Variants in DMRT1 observed in about 807,000 individuals in gnomAD.
DMRT1 encodes doublesex- and mab-3-related transcription factor 1.
Under a neutral mutation model 32.3 loss-of-function variants are expected in DMRT1, and 7 were observed. The ratio of observed to expected loss-of-function variants is 0.22; its 90% CI spans 0.12 to 0.41. The LOEUF is 0.41. Ranked by LOEUF, DMRT1 falls within the 10% of genes least tolerant of loss-of-function variation. DMRT1 has a pLI of 1.00. For missense variants in DMRT1, 625 were observed against 500.5 expected (o/e 1.25, Z -2.37); for synonymous variants, 278 against 206.1 (o/e 1.35, Z -2.99).
At chr9:958,225 G>A (rs1191729212) in intron 4 of DMRT1, among the ~76,000 whole-genome samples, 1 of 152,100 alleles carries the variant, frequency 6.6e-6, no homozygotes, top group African/African-American at 2.4e-5. Flanking sequence ...ATAATTTGCT[G>A]TATGCAATCC....
At chr9:967,664 C>G (rs576055755) in intron 4 of DMRT1, among the ~76,000 whole-genome samples, 3 of 152,194 alleles carry the variant, frequency 2.0e-5, no homozygotes, top group Middle Eastern at 3.4e-3. Flanking sequence ...GGGGAGGAGT[C>G]CGGTGAAGGG....
intron 3 of DMRT1, chr9:894,570 C>A: frequency 3.2e-6 from 1 of 312,404 alleles, no homozygotes; most frequent in Non-Finnish European, 6.2e-6. Context: ...GTACCACCTC[C>A]TCCAGCTTTG....
intron 2 of DMRT1, 144 bp from the exon 3 acceptor site, chr9:893,768 G>T: frequency 1.4e-6 from 1 of 734,518 alleles, no homozygotes; most frequent in Non-Finnish European, 2.3e-6. Context: ...CCTTATTTTG[G>T]CTATAGGAGA....
At chr9:860,713 C>T (rs1370894164) in intron 2 of DMRT1, among the ~76,000 whole-genome samples, 3 of 152,182 alleles carry the variant, frequency 2.0e-5, no homozygotes, top group Non-Finnish European at 4.4e-5. Context: ...ACCAAGGGGA[C>T]ACGGGCTGTT....
intron 1 of DMRT1, 37 bp downstream of exon 1, chr9:842,229 A>ATTTTTTTTTTTTTTTTTTTT: frequency 1.2e-6 from 1 of 856,434 alleles, no homozygotes; most frequent in African/African-American, 3.2e-5. Context: ...GTTCAGCCTT[A>ATTTTTTTTTTTTTTTTTTTT]GTTTTTTTTT....
intron 3 of DMRT1, among the ~76,000 whole-genome samples, chr9:903,431 T>TCC (rs1446128600): frequency 1.3e-5 from 2 of 152,236 alleles, no homozygotes; most frequent in African/African-American, 4.8e-5. Context: ...TCATCTGGTT[T>TCC]TTATTACACC....
At chr9:935,524 A>G (rs1433157215) in intron 4 of DMRT1, among the ~76,000 whole-genome samples, 2 of 152,182 alleles carry the variant, frequency 1.3e-5, no homozygotes, top group African/African-American at 4.8e-5. Flanking sequence ...TTTTCTGATG[A>G]GCGATAGATT....
Position 920,335 on chromosome 9 carries a change from G to A in DMRT1, c.967+3428G>A, listed in dbSNP as rs150996803. On this transcript the variant is annotated intron_variant, in intron 4 of 4. Coordinates refer to ENST00000382276, the MANE Select transcript of DMRT1 (RefSeq NM_021951.3). ...GAGGACTAGCAAGGAAAAGAGGGAG[G>A]AGGAGCAGCCTGTGAGGCAGGAGGG... is the stretch of plus-strand genomic sequence containing the variant. Among the ~76,000 whole-genome samples the A allele has an allele frequency of 3.5e-3, 535 of 152,314 alleles. 2 individuals carry two copies. Among genetic ancestry groups the A allele is most frequent in the Middle Eastern group, 0.027 (8 of 294 alleles).
intron 4 of DMRT1, among the ~76,000 whole-genome samples, chr9:941,005 G>T (rs140126907): frequency 7.6e-4 from 116 of 152,248 alleles, no homozygotes; most frequent in Middle Eastern, 6.8e-3. Flanking sequence ...ACACACATTA[G>T]GATGGCTACT....
In DMRT1 at chr9:910,475, C is replaced by T. The variant is rs114955130; in HGVS notation, c.823-6288C>T. Among the ~76,000 whole-genome samples, 505 of 151,856 alleles carry T rather than the reference C, an allele frequency of 3.3e-3. 1 individual carries two copies. Among genetic ancestry groups the T allele is most frequent in the African/African-American group, 0.012 (476 of 41,374 alleles). ...GTTCACTTTGATGCAAGACCAGGCA[C>T]TCATCTAAACTGTTACTAGATAACC... is the stretch of plus-strand genomic sequence containing the variant. On this transcript the variant is annotated intron_variant, in intron 3 of 4. Transcript: ENST00000382276.
chr9:854,085 A>G (rs1449714126), intron 2 of DMRT1, among the ~76,000 whole-genome samples: 1 of 150,214 alleles, frequency 6.7e-6, no homozygotes, highest in Non-Finnish European at 1.5e-5. Context: ...TGCTGGGATT[A>G]CAGGTGTGAG....
At chr9:915,721 ATTTG>A (rs1221477105) in intron 3 of DMRT1, among the ~76,000 whole-genome samples, 4 of 151,698 alleles carry the variant, frequency 2.6e-5, no homozygotes, top group African/African-American at 9.7e-5. Context: ...GTATTTATTT[ATTTG>A]TTTTTTTTAA....
At chr9:849,707 ACT>A (rs1203568613) in intron 2 of DMRT1, among the ~76,000 whole-genome samples, 4 of 152,188 alleles carry the variant, frequency 2.6e-5, no homozygotes, top group Admixed American at 2.6e-4. Context: ...TTGAACTAGC[ACT>A]CACAGGGAAG....
At chr9:860,443 G>A (rs1307361495) in intron 2 of DMRT1, among the ~76,000 whole-genome samples, 1 of 152,222 alleles carries the variant, frequency 6.6e-6, no homozygotes, top group Admixed American at 6.5e-5. Flanking sequence ...GTCTGAGCAA[G>A]ATTTCCTCCC....
intron 2 of DMRT1, among the ~76,000 whole-genome samples, chr9:872,801 G>T (rs1477762228): frequency 6.6e-6 from 1 of 152,156 alleles, no homozygotes; most frequent in Non-Finnish European, 1.5e-5. Flanking sequence ...AAGCGGACTT[G>T]GTGGTTCATG....
At chr9:929,074 A>G (rs1818624634) in intron 4 of DMRT1, among the ~76,000 whole-genome samples, 1 of 152,020 alleles carries the variant, frequency 6.6e-6, no homozygotes, top group Non-Finnish European at 1.5e-5. Context: ...CCTGATCTCA[A>G]GTGATCTGCC....
rs371598119 is a variant in DMRT1 at position 856,899 on chromosome 9, T to C, written c.538+9756T>C. 8.5e-5 allele frequency among the ~76,000 whole-genome samples: 13 copies of C among 152,330 alleles called. 1 individual carries two copies. In the South Asian group the frequency reaches 2.7e-3, roughly 32 times the overall value. On this transcript the variant is annotated intron_variant, in intron 2 of 4. Coordinates refer to ENST00000382276, the MANE Select transcript of DMRT1 (RefSeq NM_021951.3). ...AAATTGAAACTAAGTTTTTTTAAGT[T>C]ACAAGGGAAGATGCCTTTATCCTAG...
intron 3 of DMRT1, among the ~76,000 whole-genome samples, chr9:914,679 A>G (rs1564247449): frequency 6.6e-6 from 1 of 152,046 alleles, no homozygotes; most frequent in African/African-American, 2.4e-5. Context: ...AAAACAAACT[A>G]GAAAGGATAA....
intron 2 of DMRT1, among the ~76,000 whole-genome samples, chr9:861,831 G>T (rs1484681656): frequency 1.3e-5 from 2 of 150,688 alleles, no homozygotes; most frequent in African/African-American, 2.4e-5. Flanking sequence ...CAGACGGGGC[G>T]GCCGGTCAGA....
Sources: allele counts gnomAD v4.1 joint callset (sites outside exome capture counted in the v4.1 genomes callset), GRCh38; gene constraint gnomAD v4.1.1; transcripts MANE v1.5; gene names NCBI Gene and HGNC (gene_info 2026-07-23, HGNC 2026-07-21).